CCDC141: variants seen among roughly 807,000 people sequenced by gnomAD.
CCDC141 encodes the protein coiled-coil domain-containing protein 141.
A neutral mutation model predicts 181.0 loss-of-function variants in CCDC141; 168 were observed. The ratio of observed to expected loss-of-function variants is 0.93; its 90% CI spans 0.82 to 1.05. The LOEUF is 1.05. CCDC141 is among the 50% of genes least tolerant of loss of function. The pLI, the probability that CCDC141 is intolerant of heterozygous loss-of-function variation, is 0.00. For missense variants in CCDC141, 1,902 were observed against 1,788.5 expected, an observed-to-expected ratio of 1.06 and a Z score of -1.14; for synonymous variants, 666 against 642.3, an observed-to-expected ratio of 1.04 and a Z score of -0.56.
chr2:178,931,679 G>A (rs980158764), intron 6 of CCDC141, among the ~76,000 whole-genome samples: 1 of 152,140 alleles, frequency 6.6e-6, no homozygotes, highest in Non-Finnish European at 1.5e-5. Flanking sequence ...AATGAAGATT[G>A]ACTGCTTAAT....
chr2:178,922,964 T>C (rs1264239746), intron 6 of CCDC141, among the ~76,000 whole-genome samples: 2 of 152,250 alleles, frequency 1.3e-5, no homozygotes, highest in African/African-American at 4.8e-5. Flanking sequence ...AGTATTTCTG[T>C]TCAATCTTCT....
chr2:179,040,046 G>A (rs1246528046), intron 2 of CCDC141, among the ~76,000 whole-genome samples: 1 of 152,140 alleles, frequency 6.6e-6, no homozygotes, highest in Non-Finnish European at 1.5e-5. Context: ...TGAAAGTGGT[G>A]AGTGGTTGGG....
chr2:179,009,213 T>C (rs2042195185), intron 2 of CCDC141, among the ~76,000 whole-genome samples: 1 of 152,200 alleles, frequency 6.6e-6, no homozygotes, highest in Non-Finnish European at 1.5e-5. Context: ...TCCTTGTAAC[T>C]ATATTTTATA....
chr2:178,927,672 C>T (rs1377919005), intron 6 of CCDC141, among the ~76,000 whole-genome samples: 2 of 151,696 alleles, frequency 1.3e-5, no homozygotes, highest in Non-Finnish European at 2.9e-5. Context: ...TGGGAGTTAT[C>T]CAGGCAAAAA....
intron 17 of CCDC141, among the ~76,000 whole-genome samples, chr2:178,862,685 T>C (rs967350085): frequency 6.6e-6 from 1 of 152,208 alleles, no homozygotes; most frequent in Non-Finnish European, 1.5e-5. Context: ...TTCTAGTAGG[T>C]AGACATGAAG....
At chr2:178,934,692 G>A (rs1689219108) in intron 6 of CCDC141, among the ~76,000 whole-genome samples, 2 of 152,088 alleles carry the variant, frequency 1.3e-5, no homozygotes, top group Non-Finnish European at 2.9e-5. Context: ...AATGATAGAG[G>A]CATTTTCAAA....
At chr2:178,933,758 C>A (rs1333092850) in intron 6 of CCDC141, among the ~76,000 whole-genome samples, 2 of 152,070 alleles carry the variant, frequency 1.3e-5, no homozygotes, top group South Asian at 2.1e-4. Context: ...GTCTCAAATC[C>A]AAATGCTTAC....
chr2:178,928,741 C>A (rs2154375628), intron 6 of CCDC141, among the ~76,000 whole-genome samples: 1 of 152,236 alleles, frequency 6.6e-6, no homozygotes, highest in Non-Finnish European at 1.5e-5. Flanking sequence ...TCAGCCCTTT[C>A]TTAGATGGGC....
chr2:179,007,802 G>A (rs970075162), intron 2 of CCDC141, among the ~76,000 whole-genome samples: 6 of 152,080 alleles, frequency 3.9e-5, no homozygotes, highest in Non-Finnish European at 8.8e-5. Context: ...ACAACATGCC[G>A]TGACTGTCAA....
chr2:178,826,219 T>G (rs1434370956), downstream of CCDC141, among the ~76,000 whole-genome samples: 1 of 152,214 alleles, frequency 6.6e-6, no homozygotes, highest in East Asian at 1.9e-4. Flanking sequence ...CCTGTGGATG[T>G]GGTGGATTCA....
intron 3 of CCDC141, among the ~76,000 whole-genome samples, chr2:178,976,304 C>T (rs1691119680): frequency 1.3e-5 from 2 of 152,088 alleles, no homozygotes; most frequent in African/African-American, 4.8e-5. Flanking sequence ...AGAAGCTTAC[C>T]ACGGTACTTA....
At chr2:178,840,874 A>G (rs1468505652) in intron 22 of CCDC141, among the ~76,000 whole-genome samples, 2 of 152,170 alleles carry the variant, frequency 1.3e-5, no homozygotes, top group East Asian at 3.9e-4. Context: ...ACACTACCCA[A>G]TAATTTCTAC....
At position 178,832,770 on chromosome 2, in the gene CCDC141, T is replaced by A. The variant is rs1684310187; in HGVS notation, c.*1403A>T. The A allele has an allele frequency of 6.6e-6, 1 of 152,144 alleles. No individual in the cohort carries two copies. Among genetic ancestry groups the A allele is most frequent in the African/African-American group, 2.4e-5 (1 of 41,448 alleles). The allele number at this position is 152,144 out of a possible 1,614,324, so 9.4% of individuals were successfully genotyped here. A position where few individuals can be genotyped will look rare whatever the true frequency, so the allele number is the denominator to read the frequency against. ...CAACATAATTAATTTCTTCCCTTCA[T>A]CAAAAATCTGTAATGAATTATTCTT... On this transcript the variant is annotated 3_prime_UTR_variant, in exon 24 of 24. Transcript: ENST00000443758.
At chr2:178,958,242 A>C (rs1164213905) in intron 5 of CCDC141, among the ~76,000 whole-genome samples, 1 of 152,184 alleles carries the variant, frequency 6.6e-6, no homozygotes, top group Admixed American at 6.5e-5. Context: ...TCAAACCCAT[A>C]GGTACATGGA....
rs2043453939 is a variant in CCDC141 at position 179,045,222 on chromosome 2, C to T, written c.225+2062G>A. Among the ~76,000 whole-genome samples the T allele has an allele frequency of 3.5e-5, 5 of 142,414 alleles. No individual in the cohort carries two copies. The South Asian group carries it at 1.2e-3, about 34-fold the overall frequency. The allele number at this position is 142,414 out of a possible 152,430, so 93.4% of individuals were successfully genotyped here. On this transcript the variant is annotated intron_variant, in intron 2 of 23. Transcript: ENST00000443758. ...GTTCCCCTTCCTGTGTTCATGTGTT[C>T]TCATTGTTCAATTCCCACCTATGAG...
chr2:179,035,433 T>C (rs1443833351), intron 2 of CCDC141, among the ~76,000 whole-genome samples: 1 of 152,164 alleles, frequency 6.6e-6, no homozygotes, highest in Non-Finnish European at 1.5e-5. Flanking sequence ...GTTCCAGTTG[T>C]GGCTGTGTAA....
chr2:178,972,293 T>C (rs1250475825), intron 4 of CCDC141, among the ~76,000 whole-genome samples: 7 of 152,268 alleles, frequency 4.6e-5, no homozygotes, highest in Admixed American at 3.9e-4. Flanking sequence ...CGTTTGTTGC[T>C]CACTTTTGCA....
the CCDC141 span, chr2:178,817,583 T>TG: frequency 1.1e-5 from 5 of 471,098 alleles, no homozygotes; most frequent in Admixed American, 1.2e-4. Flanking sequence ...CACATGGTCC[T>TG]GATCTTCTGG....
At chr2:179,024,170 C>T (rs957469894) in intron 2 of CCDC141, among the ~76,000 whole-genome samples, 8 of 152,176 alleles carry the variant, frequency 5.3e-5, no homozygotes, top group Non-Finnish European at 1.2e-4. Context: ...ATTAATTATT[C>T]ATCCGTTCCA....
Sources: allele counts gnomAD v4.1 joint callset (sites outside exome capture counted in the v4.1 genomes callset), GRCh38; gene constraint gnomAD v4.1.1; transcripts MANE v1.5; gene names NCBI Gene and HGNC (gene_info 2026-07-23, HGNC 2026-07-21).